The following SPTAN1 variants were observed in gnomAD, a reference collection of about 807,000 sequenced individuals.
SPTAN1 encodes the protein spectrin alpha chain, non-erythrocytic 1.
SPTAN1 carries 61 observed loss-of-function variants against 331.3 expected under a neutral mutation model. The ratio of observed to expected loss-of-function variants is 0.18; its 90% confidence interval spans 0.15 to 0.23. SPTAN1 has a LOEUF of 0.23. Ranked by LOEUF, SPTAN1 falls within the 10% of genes least tolerant of loss-of-function variation. The probability of loss-of-function intolerance (pLI) is 1.00; values close to 1 mark genes in which losing one functional copy is unlikely to be tolerated. For missense variants in SPTAN1, 2,043 were observed against 3,147.9 expected (o/e 0.65, Z 8.40); for synonymous variants, 1,153 against 1,173.9 (o/e 0.98, Z 0.36).
At chr9:128,593,731 T>G in intron 23 of SPTAN1, 1 of 245,716 alleles carries the variant, frequency 4.1e-6, no homozygotes, top group South Asian at 5.9e-5. Context: ...TAAAGCTCAG[T>G]GTACCCTCCC....
chr9:128,584,907 G>T (rs1373471619), intron 18 of SPTAN1, 64 bp downstream of exon 18: 1 of 1,608,184 alleles, frequency 6.2e-7, no homozygotes, highest in East Asian at 2.2e-5. Context: ...TCTTGCCGAG[G>T]GCATGGCCAC....
rs11444346 is a variant in SPTAN1 at position 128,624,086 on chromosome 9, CA to C, written c.5833-216del. Among the ~76,000 whole-genome samples the C allele has an allele frequency of 0.024, 1,585 of 66,600 alleles. 8 individuals are homozygous for C. The highest frequency in any genetic ancestry group is 0.063 in the African/African-American group (1,409 of 22,320). 43.7% of individuals were successfully genotyped at this position (66,600 alleles called of 152,430 possible). A position where few individuals can be genotyped will look rare whatever the true frequency, so the allele number is the denominator to read the frequency against. On this transcript the variant is annotated intron_variant, in intron 45 of 56. Coordinates refer to ENST00000372739, the MANE Select transcript of SPTAN1 (RefSeq NM_001130438.3). The stretch of plus-strand genomic sequence containing the variant: ...CGACGGAGTGAAATTCACTCCGTCT[CA>C]AAAAAAAAAAAAAAAAAAAAAAAAA...
rs892292906 is a variant in SPTAN1, at chr9:128,627,848, TTC to T, written c.6690-71_6690-70del. On this transcript the variant is annotated intron_variant, in intron 50 of 56. Coordinates refer to ENST00000372739, the MANE Select transcript of SPTAN1 (RefSeq NM_001130438.3). This position sits in a 1 kb window ranked among gnomAD's most constrained non-coding sequence, Gnocchi z 4.9. Reference sequence around the variant, plus strand: ...TTTGTTTTCCTTTCTTTCTTGTGTCTTCTCTCTGTCCCCCCGATTGCTGCTGT... The same window carrying T: ...TTTGTTTTCCTTTCTTTCTTGTGTCTTCTCTGTCCCCCCGATTGCTGCTGT... The T allele has an allele frequency of 4.3e-5, 67 of 1,547,400 alleles. No individual in the cohort carries two copies. The African/African-American group carries it at 8.0e-4, about 19-fold the overall frequency.
rs376544506 is a variant in SPTAN1 at position 128,627,195 on chromosome 9, C to T, written c.6577-191C>T. ...CTCCAGGTCCGCCTCTTCCTTGAAG[C>T]CCCTGGGGGGTGGGAACAGAGAAAG... On this transcript the variant is annotated intron_variant, in intron 49 of 56. Coordinates refer to ENST00000372739, the MANE Select transcript of SPTAN1 (RefSeq NM_001130438.3). This position sits in a 1 kb window ranked among gnomAD's most constrained non-coding sequence, Gnocchi z 4.9. The T allele has an allele frequency of 4.2e-5, 27 of 649,672 alleles. No homozygotes were observed. Among genetic ancestry groups the T allele is most frequent in the East Asian group, 2.3e-4 (8 of 34,310 alleles). 40.2% of individuals were successfully genotyped at this position (649,672 alleles called of 1,614,324 possible).
chr9:128,598,304 G>T, intron 24 of SPTAN1, 96 bp from the exon 25 acceptor site: 3 of 883,422 alleles, frequency 3.4e-6, no homozygotes, highest in East Asian at 2.8e-5. Flanking sequence ...CTCTGTAGAA[G>T]AATCCTTATA....
intron 5 of SPTAN1, among the ~76,000 whole-genome samples, chr9:128,576,033 G>A (rs940534714): frequency 6.6e-6 from 1 of 152,012 alleles, no homozygotes; most frequent in Non-Finnish European, 1.5e-5. Context: ...AAAGATACCC[G>A]GCATTCCTCA....
Position 128,611,777 on chromosome 9 carries a change from G to A in SPTAN1, c.4837G>A (p.Gly1613Arg), listed in dbSNP as rs764709722. Residue 1613 changes from glycine to arginine, a missense_variant, in exon 38 of 57, where the codon GGG becomes AGG. Gly to Arg is a moderately radical substitution (Grantham distance 125). Around this residue, in one of 12 missense-constraint regions of SPTAN1, gnomAD observed 323 missense variants for 581.1 expected, o/e 0.56. Transcript: ENST00000372739. ...ELHANADRIR[G>R]VIDMGNSLIE... ...GCATGCCAACGCTGACCGGATCCGTGGGGTTATCGACATGGGCAACTCCCT... is the reference window on the plus strand; with the variant it reads ...GCATGCCAACGCTGACCGGATCCGTAGGGTTATCGACATGGGCAACTCCCT... 1.2e-6 allele frequency: 2 copies of A among 1,614,018 alleles called. No homozygotes were observed. The highest frequency in any genetic ancestry group is 1.7e-6 in the Non-Finnish European group (2 of 1,180,042).
intron 24 of SPTAN1, among the ~76,000 whole-genome samples, chr9:128,597,144 A>G (rs993116204): frequency 1.3e-5 from 2 of 152,056 alleles, no homozygotes; most frequent in Non-Finnish European, 1.5e-5. Flanking sequence ...TGGGCAATAG[A>G]GTGAGACTGA....
At chr9:128,617,332 T>C (rs1414847682) in intron 41 of SPTAN1, among the ~76,000 whole-genome samples, 2 of 152,098 alleles carry the variant, frequency 1.3e-5, no homozygotes, top group Non-Finnish European at 2.9e-5. Flanking sequence ...TTAGTATACA[T>C]GATTGATATA....
rs1858869879 is a variant in SPTAN1, at chr9:128,627,086, T to C, written c.6577-300T>C. The C allele has an allele frequency of 1.8e-6, 1 of 563,018 alleles. No individual in the cohort carries two copies. The highest frequency in any genetic ancestry group is 1.9e-5 in the African/African-American group (1 of 53,848). The allele number at this position is 563,018 out of a possible 1,614,324, so 34.9% of individuals were successfully genotyped here. ...CCCAGGCCTCCCAAAGTGCTGGGAT[T>C]ACAGGTGTGAGCCACTGTACCCAGC... On this transcript the variant is annotated intron_variant, in intron 49 of 56. Coordinates refer to ENST00000372739, the MANE Select transcript of SPTAN1 (RefSeq NM_001130438.3). This position sits in a 1 kb window ranked among gnomAD's most constrained non-coding sequence, Gnocchi z 4.9.
At chr9:128,557,528 C>A (rs998596135) in intron 1 of SPTAN1, among the ~76,000 whole-genome samples, 1 of 152,046 alleles carries the variant, frequency 6.6e-6, no homozygotes, top group African/African-American at 2.4e-5. Context: ...AGCTATATAT[C>A]CCATAAATAC....
chr9:128,601,545 A>G (rs1855153582), intron 27 of SPTAN1: 1 of 148,766 alleles, frequency 6.7e-6, no homozygotes, highest in South Asian at 2.2e-4. Flanking sequence ...AACATGGCAA[A>G]ACCCCGGCTC....
chr9:128,630,458 G>A, intron 52 of SPTAN1, 83 bp downstream of exon 52: 1 of 1,404,470 alleles, frequency 7.1e-7, no homozygotes, highest in Non-Finnish European at 1.0e-6. Flanking sequence ...CTGGCTTAAA[G>A]TCAGGAACCA....
Position 128,577,628 on chromosome 9 carries a change from A to T in SPTAN1, c.1085+122A>T, listed in dbSNP as rs538985892. 9.2e-6 allele frequency: 12 copies of T among 1,311,368 alleles called. No homozygotes were observed. Among genetic ancestry groups the T allele is most frequent in the Non-Finnish European group, 1.1e-5 (10 of 919,644 alleles). 81.2% of individuals were successfully genotyped at this position (1,311,368 alleles called of 1,614,324 possible). A position where few individuals can be genotyped will look rare whatever the true frequency, so the allele number is the denominator to read the frequency against. Reference sequence around the variant, plus strand: ...GTGTCAGGTATCACCTACAAATGCAAATCACTTCTTACCTATGTTCTCTCT... The same window carrying T: ...GTGTCAGGTATCACCTACAAATGCATATCACTTCTTACCTATGTTCTCTCT... On this transcript the variant is annotated intron_variant, in intron 8 of 56. Coordinates refer to ENST00000372739, the MANE Select transcript of SPTAN1 (RefSeq NM_001130438.3). The surrounding 1 kb of genome is among the most constrained non-coding windows in gnomAD (Gnocchi z 4.2).
At chr9:128,619,711 G>A (rs946871103) in intron 44 of SPTAN1, among the ~76,000 whole-genome samples, 1 of 152,170 alleles carries the variant, frequency 6.6e-6, no homozygotes, top group African/African-American at 2.4e-5. Context: ...CACATTCATG[G>A]GTACCAGAAG....
Position 128,608,968 on chromosome 9 carries a change from T to G in SPTAN1, c.4586T>G (p.Val1529Gly). The G allele has an allele frequency of 6.2e-7, 1 of 1,614,184 alleles. No homozygotes were observed. The highest frequency in any genetic ancestry group is 8.5e-7 in the Non-Finnish European group (1 of 1,180,042). Residue 1529 changes from valine (V) to glycine (G), a missense_variant, in exon 35 of 57, where the codon GTC becomes GGC. By Grantham distance (109) the Val-to-Gly change is moderately radical. This residue lies in a region of SPTAN1 where 40 missense variants were observed against 32.6 expected (regional missense o/e 1.23). Transcript: ENST00000372739. ...KGDISSRRNEVLDRWRRLKAQ... is the reference protein window; with the variant it reads ...KGDISSRRNEGLDRWRRLKAQ... ...GACATTTCTAGCCGGCGCAATGAGG[T>G]CTTGGACAGGTGGGTGTCCTGTGGC...
At position 128,576,858 on chromosome 9, in the gene SPTAN1, G is replaced by A; in HGVS notation, c.687G>A (p.Lys229=). 2 of 1,614,052 alleles carry A rather than the reference G, an allele frequency of 1.2e-6. No individual in the cohort carries two copies. Among genetic ancestry groups the A allele is most frequent in the Non-Finnish European group, 1.7e-6 (2 of 1,180,030 alleles). Residue 229 remains lysine (K), a synonymous_variant, in exon 6 of 57, where the codon AAG becomes AAA. Transcript: ENST00000372739. Reference sequence around the variant, plus strand: ...CTGAGGAGGAACTGATCAAGACTAAGCAGGATGAAGTCAATGCAGCCTGGC... The same window carrying A: ...CTGAGGAGGAACTGATCAAGACTAAACAGGATGAAGTCAATGCAGCCTGGC... ...QHPEEELIKT[K]QDEVNAAWQR...
chr9:128,562,988 A>ATGTGTATG (rs1849572767), intron 1 of SPTAN1, among the ~76,000 whole-genome samples: 1 of 2,322 alleles, frequency 4.3e-4, no homozygotes, highest in African/African-American at 7.4e-4. Context: ...ATATACATGT[A>ATGTGTATG]TGTGTATATA....
At chr9:128,626,352 C>G in intron 48 of SPTAN1, 39 bp from the exon 49 acceptor site, 1 of 1,609,944 alleles carries the variant, frequency 6.2e-7, no homozygotes, top group Non-Finnish European at 8.5e-7. Flanking sequence ...GCACGTCCAG[C>G]CCTGGCGACT....
Sources: allele counts gnomAD v4.1 joint callset (sites outside exome capture counted in the v4.1 genomes callset), GRCh38; gene constraint gnomAD v4.1.1; regional missense constraint gnomAD v4.1.1; non-coding constraint Gnocchi (gnomAD v3.1); transcripts MANE v1.5; gene names NCBI Gene and HGNC (gene_info 2026-07-23, HGNC 2026-07-21).